Variants in SUGCT observed in about 807,000 individuals in gnomAD.
SUGCT encodes succinyl-CoA:glutarate CoA-transferase.
SUGCT carries 41 observed loss-of-function variants against 55.0 expected under a neutral mutation model. That is an observed-to-expected ratio of 0.74 (90% CI 0.58 to 0.97). The LOEUF (loss-of-function observed/expected upper bound fraction) is 0.97, where lower values mean the gene tolerates loss of function less well. Among genes scored for constraint, SUGCT ranks in the 50% least tolerant of loss-of-function variants. The pLI is 0.00. For missense variants in SUGCT, 568 were observed against 547.8 expected (o/e 1.04, Z -0.37); for synonymous variants, 187 against 200.4 (o/e 0.93, Z 0.56).
At chr7:40,973,386 T>A in the SUGCT span, among the ~76,000 whole-genome samples, 1 of 152,244 alleles carries the variant, frequency 6.6e-6, no homozygotes, top group African/African-American at 2.4e-5. Context: ...ATGCAATTCT[T>A]ACTTTTTTAC....
At chr7:40,745,718 G>A (rs10229743) in intron 12 of SUGCT, among the ~76,000 whole-genome samples, 3,030 of 152,208 alleles carry the variant, frequency 0.02, 48 homozygotes, top group Middle Eastern at 0.058. Context: ...AAATGAAGGA[G>A]AAAACAGTAA....
intron 9 of SUGCT, among the ~76,000 whole-genome samples, chr7:40,381,768 A>G (rs1012698230): frequency 6.6e-6 from 1 of 152,168 alleles, no homozygotes. Flanking sequence ...ACAAACACAC[A>G]TCTACAAACC....
chr7:40,156,308 A>C (rs1480322247), intron 1 of SUGCT, among the ~76,000 whole-genome samples: 2 of 152,076 alleles, frequency 1.3e-5, no homozygotes, highest in African/African-American at 4.8e-5. Context: ...CTAAAAATAC[A>C]AAAAATTAGC....
At chr7:40,381,664 T>TACATTACTA in intron 9 of SUGCT, among the ~76,000 whole-genome samples, 1 of 152,268 alleles carries the variant, frequency 6.6e-6, no homozygotes, top group South Asian at 2.1e-4. Flanking sequence ...TGAAACTTAC[T>TACATTACTA]ACATTACTAA....
At chr7:40,448,904 ATG>A (rs34734227) in intron 9 of SUGCT, among the ~76,000 whole-genome samples, 17,316 of 144,898 alleles carry the variant, frequency 0.12, 1,340 homozygotes, top group Middle Eastern at 0.21. Flanking sequence ...ATAGACACAT[ATG>A]TGTGTGTGTG....
intron 5 of SUGCT, among the ~76,000 whole-genome samples, chr7:40,193,506 A>G (rs1183023457): frequency 1.3e-5 from 2 of 151,900 alleles, no homozygotes; most frequent in Non-Finnish European, 2.9e-5. Flanking sequence ...GCTGGTCTCG[A>G]ACTCCTGACC....
rs578226123 is a variant in SUGCT at position 40,773,483 on chromosome 7, C to G, written c.1153+23986C>G. ...GTATTGCCTCTATTAGTCTGTCTTT[C>G]TCACATACGATTTGTTTCCTCTAAT... On this transcript the variant is annotated intron_variant, in intron 13 of 13. Coordinates refer to ENST00000335693, the MANE Select transcript of SUGCT (RefSeq NM_001193313.2). 7.2e-5 allele frequency among the ~76,000 whole-genome samples: 11 copies of G among 152,236 alleles called. No individual in the cohort carries two copies. The South Asian group carries it at 2.3e-3, about 32-fold the overall frequency.
intron 13 of SUGCT, among the ~76,000 whole-genome samples, chr7:40,838,241 TG>T (rs1475649991): frequency 1.1e-4 from 16 of 152,352 alleles, no homozygotes; most frequent in African/African-American, 3.6e-4. Flanking sequence ...ACAAATCCTA[TG>T]TCTTTTCAGA....
intron 13 of SUGCT, among the ~76,000 whole-genome samples, chr7:40,836,766 G>C (rs1793002686): frequency 6.6e-6 from 1 of 152,126 alleles, no homozygotes; most frequent in Admixed American, 6.5e-5. Context: ...ATTCATCCAA[G>C]TTGTTGCTTG....
At position 40,352,513 on chromosome 7, in the gene SUGCT, C is replaced by T. The variant is rs188285162; in HGVS notation, c.816+35658C>T. Among the ~76,000 whole-genome samples, 15 of 152,176 alleles carry T rather than the reference C, an allele frequency of 9.9e-5. No homozygotes were observed. In the East Asian group the frequency reaches 2.9e-3, roughly 29 times the overall value. On this transcript the variant is annotated intron_variant, in intron 9 of 13. Transcript: ENST00000335693. ...GTGTCTGTTGTTGCCTTTCTTGTAT[C>T]CATATGTGCTCAGTGTTTAGCTCCC... is the stretch of plus-strand genomic sequence containing the variant.
intron 6 of SUGCT, among the ~76,000 whole-genome samples, chr7:40,222,702 T>G (rs559373366): frequency 2.0e-5 from 3 of 152,116 alleles, no homozygotes; most frequent in African/African-American, 7.2e-5. Flanking sequence ...ATTAGCTGGG[T>G]GTGGTGTGTG....
chr7:40,812,896 A>C (rs1442758573), intron 13 of SUGCT, among the ~76,000 whole-genome samples: 1 of 152,082 alleles, frequency 6.6e-6, no homozygotes, highest in Non-Finnish European at 1.5e-5. Context: ...GCTATGTCCC[A>C]GAGATTTTGG....
chr7:40,706,974 G>A (rs945815068), intron 12 of SUGCT, among the ~76,000 whole-genome samples: 2 of 152,066 alleles, frequency 1.3e-5, no homozygotes, highest in East Asian at 1.9e-4. Context: ...GACACAGTTC[G>A]GCTAAGTAGA....
intron 12 of SUGCT, among the ~76,000 whole-genome samples, chr7:40,676,894 C>CGTGTGTGTGTGTGTGTGTGTGTGT (rs3221667): frequency 1.4e-5 from 2 of 143,972 alleles, no homozygotes; most frequent in African/African-American, 5.2e-5. Context: ...TTCAGAATGA[C>CGTGTGTGTGTGTGTGTGTGTGTGT]GTGTGTGTGT....
At chr7:40,952,469 G>T in the SUGCT span, among the ~76,000 whole-genome samples, 1 of 151,996 alleles carries the variant, frequency 6.6e-6, no homozygotes, top group Admixed American at 6.6e-5. Flanking sequence ...AATTAATATT[G>T]TTATATCTGA....
chr7:40,345,477 TGA>T (rs1283719904), intron 9 of SUGCT, among the ~76,000 whole-genome samples: 1 of 152,240 alleles, frequency 6.6e-6, no homozygotes, highest in East Asian at 1.9e-4. Context: ...TTCAATTTTT[TGA>T]GTTTTTATGA....
In SUGCT at chr7:40,276,731, G is replaced by A. The variant is rs148396020; in HGVS notation, c.720+2075G>A. On this transcript the variant is annotated intron_variant, in intron 8 of 13. Coordinates refer to ENST00000335693, the MANE Select transcript of SUGCT (RefSeq NM_001193313.2). ...ACCATAGGGCTGCTTCAAAGTGAGG[G>A]CACAGTGACGGCAAACTCATGCATA... Among the ~76,000 whole-genome samples, 179 of 152,220 alleles carry A rather than the reference G, an allele frequency of 1.2e-3. 5 individuals carry two copies. In the South Asian group the frequency reaches 0.031, roughly 26 times the overall value.
chr7:40,459,910 C>T (rs751086644), intron 11 of SUGCT, among the ~76,000 whole-genome samples: 2 of 151,920 alleles, frequency 1.3e-5, no homozygotes, highest in African/African-American at 2.4e-5. Flanking sequence ...TTTTTGTTTG[C>T]CTTTACATGT....
At chr7:40,831,226 A>G (rs920299190) in intron 13 of SUGCT, among the ~76,000 whole-genome samples, 14 of 151,972 alleles carry the variant, frequency 9.2e-5, no homozygotes, top group African/African-American at 2.9e-4. Flanking sequence ...GGCTCACCCA[A>G]TGTTTGCTGT....
Sources: gnomAD v4.1 joint callset for allele counts (sites outside exome capture counted in the v4.1 genomes callset) on GRCh38, gnomAD v4.1.1 for gene constraint, MANE v1.5 for transcripts, NCBI Gene and HGNC (gene_info 2026-07-23, HGNC 2026-07-21) for gene names.